Variants in SLC44A3 observed in about 807,000 individuals in gnomAD.
SLC44A3 encodes solute carrier family 44 member 3.
In SLC44A3, 74 loss-of-function variants were observed where a neutral mutation model predicts 75.4. The observed-to-expected ratio is 0.98, with a 90% CI of 0.81 to 1.19. The LOEUF is 1.19. SLC44A3 is among the 50% of genes most tolerant of loss of function. The pLI, the probability that SLC44A3 is intolerant of heterozygous loss-of-function variation, is 0.00. For synonymous variants in SLC44A3, 310 were observed against 296.9 expected (o/e 1.04, Z -0.45); for missense variants, 700 against 778.6 (o/e 0.90, Z 1.20).
chr1:94,836,211 ACTT>A (rs1035408773), intron 5 of SLC44A3, among the ~76,000 whole-genome samples: 2 of 152,164 alleles, frequency 1.3e-5, no homozygotes, highest in African/African-American at 4.8e-5. Context: ...ATAATTTGAC[ACTT>A]CTTTGGTTGG....
intron 6 of SLC44A3, among the ~76,000 whole-genome samples, chr1:94,838,293 G>A (rs1663092853): frequency 6.6e-6 from 1 of 152,216 alleles, no homozygotes; most frequent in Admixed American, 6.5e-5. Context: ...GGACATGTAT[G>A]CATCCATGTT....
intron 7 of SLC44A3, 111 bp from the exon 8 acceptor site, chr1:94,841,889 A>C: frequency 2.1e-6 from 3 of 1,398,474 alleles, no homozygotes; most frequent in Non-Finnish European, 2.9e-6. Context: ...CTGCCAGAGC[A>C]GTGCCACGCG....
chr1:94,852,275 A>G (rs1469518247), intron 9 of SLC44A3, among the ~76,000 whole-genome samples: 1 of 152,196 alleles, frequency 6.6e-6, no homozygotes, highest in Non-Finnish European at 1.5e-5. Flanking sequence ...TTAAGCAGAA[A>G]GGACAAATAG....
chr1:94,867,840 C>T (rs1277888057), intron 12 of SLC44A3, among the ~76,000 whole-genome samples: 2 of 105,624 alleles, frequency 1.9e-5, no homozygotes, highest in African/African-American at 3.4e-5. Context: ...AACCATAGGC[C>T]TTTAAAGCCA....
At chr1:94,864,625 A>G in intron 10 of SLC44A3, 118 bp from the exon 11 acceptor site, 1 of 1,089,786 alleles carries the variant, frequency 9.2e-7, no homozygotes, top group Admixed American at 2.6e-5. Context: ...AAAGTTCGCC[A>G]AATGCTTATT....
At position 94,845,474 on chromosome 1, in the gene SLC44A3, A is replaced by G. The variant is rs149625432; in HGVS notation, c.1072+10A>G. ...AGCCTGGGAACTGCAGGTAAGGGAC[A>G]GTGGGTGTGGGTTCCATCACCTTGG... On this transcript the variant is annotated intron_variant, in intron 9 of 14. Coordinates refer to ENST00000271227, the MANE Select transcript of SLC44A3 (RefSeq NM_001114106.3). 495 of 1,602,638 alleles carry G rather than the reference A, an allele frequency of 3.1e-4. No homozygotes were observed. Among genetic ancestry groups the G allele is most frequent in the Non-Finnish European group, 3.6e-4 (422 of 1,177,586 alleles).
chr1:94,830,078 G>C (rs1661918826), intron 5 of SLC44A3, among the ~76,000 whole-genome samples: 1 of 152,234 alleles, frequency 6.6e-6, no homozygotes, highest in South Asian at 2.1e-4. Flanking sequence ...AAAGAGACTT[G>C]AGAAGGTTTA....
chr1:94,867,415 C>A lies in SLC44A3; in HGVS notation c.1480C>A (p.Gln494Lys), dbSNP rs1485377545. The change falls in exon 12 of 15, where the codon CAG becomes AAG. Residue 494 changes from glutamine to lysine, a missense_variant and splice_region_variant. Gln to Lys is a moderately conservative substitution (Grantham distance 53). Transcript: ENST00000271227. The stretch of plus-strand genomic sequence containing the variant: ...TGACAAATACCTGCTCCATCTCAAC[C>A]AGGTACGTCTCTACCTCTTGCCTCA... ...CLDKYLLHLN[Q>K]NAYTTTAING... The A allele has an allele frequency of 5.0e-6, 8 of 1,604,984 alleles. No homozygotes were observed. The highest frequency in any genetic ancestry group is 6.8e-6 in the Non-Finnish European group (8 of 1,174,620).
Position 94,895,043 on chromosome 1 carries a change from A to C in SLC44A3, c.*121A>C. On this transcript the variant is annotated 3_prime_UTR_variant, in exon 15 of 15. Transcript: ENST00000271227. ...TTTTTTAAAAGACCTAATAAACCCT[A>C]TTCTTCCTCATTGTCTTTGTCATTA... 1.5e-6 allele frequency: 1 copy of C among 648,138 alleles called. No homozygotes were observed. Among genetic ancestry groups the C allele is most frequent in the Middle Eastern group, 3.2e-4 (1 of 3,130 alleles). The allele number at this position is 648,138 out of a possible 1,614,324, so 40.1% of individuals were successfully genotyped here.
chr1:94,872,712 T>G (rs903901418), intron 12 of SLC44A3, among the ~76,000 whole-genome samples: 1 of 152,238 alleles, frequency 6.6e-6, no homozygotes. Flanking sequence ...CTTATGTGGC[T>G]TTTTGACCCT....
intron 12 of SLC44A3, among the ~76,000 whole-genome samples, chr1:94,881,673 A>C (rs571664418): frequency 8.2e-5 from 12 of 146,840 alleles, no homozygotes; most frequent in Non-Finnish European, 1.6e-4. Flanking sequence ...CACTGCACTG[A>C]AGCCTGGGCA....
At chr1:94,890,147 G>A (rs1670051814) in intron 12 of SLC44A3, among the ~76,000 whole-genome samples, 1 of 152,162 alleles carries the variant, frequency 6.6e-6, no homozygotes, top group African/African-American at 2.4e-5. Context: ...ACGGCACCTG[G>A]CCTATTTCTA....
At chr1:94,874,642 G>T (rs1668088332) in intron 12 of SLC44A3, among the ~76,000 whole-genome samples, 1 of 152,226 alleles carries the variant, frequency 6.6e-6, no homozygotes, top group Non-Finnish European at 1.5e-5. Context: ...TTCCTCCTAA[G>T]TGTGCGGCTC....
intron 2 of SLC44A3, among the ~76,000 whole-genome samples, chr1:94,823,966 G>A (rs921537126): frequency 9.2e-5 from 14 of 152,084 alleles, no homozygotes; most frequent in Non-Finnish European, 8.8e-5. Flanking sequence ...CCTTTATTTT[G>A]TATGTCTTAA....
At position 94,824,631 on chromosome 1, in the gene SLC44A3, A is replaced by G. The variant is rs1372139452; in HGVS notation, c.274A>G (p.Lys92Glu). 1.9e-6 allele frequency: 3 copies of G among 1,578,920 alleles called. No individual in the cohort carries two copies. The highest frequency in any genetic ancestry group is 2.0e-5 in the Admixed American group (1 of 49,774). Residue 92 changes from lysine (K) to glutamate (E), a missense_variant, in exon 3 of 15, where the codon AAA becomes GAA. By Grantham distance (56) the Lys-to-Glu change is moderately conservative. Transcript: ENST00000271227. ...APLSGQDMTL[K>E]KHVFFMNSCN... ...TCTTTCAGGGCAGGACATGACCCTA[A>G]AAAAGTAAGTATCTAAATAAGTCCC...
intron 9 of SLC44A3, among the ~76,000 whole-genome samples, chr1:94,848,462 C>A (rs1664748086): frequency 1.3e-5 from 2 of 152,080 alleles, no homozygotes; most frequent in African/African-American, 4.8e-5. Context: ...ACAGTGAGGT[C>A]TTAGGAAATA....
At chr1:94,820,818 A>C (rs1442912847) in intron 1 of SLC44A3, 131 bp from the exon 2 acceptor site, 30 of 1,302,960 alleles carry the variant, frequency 2.3e-5, no homozygotes, top group Non-Finnish European at 2.9e-5. Flanking sequence ...CACGTAAAAA[A>C]ATAATATTAA....
rs1188066622 is a variant in SLC44A3 at position 94,837,747 on chromosome 1, A to C, written c.546A>C (p.Gln182His). The C allele has an allele frequency of 6.3e-7, 1 of 1,599,680 alleles. No homozygotes were observed. The highest frequency in any genetic ancestry group is 2.3e-5 in the East Asian group (1 of 44,020). ...SFPLFNRCVP[Q>H]TPECYSLFAS... is the part of the protein sequence containing the mutation. ...CCTTATTTAACCGATGTGTCCCTCAAACACCTGAGTGCTACTCCCTATTTG... is the reference window on the plus strand; with the variant it reads ...CCTTATTTAACCGATGTGTCCCTCACACACCTGAGTGCTACTCCCTATTTG... The change falls in exon 6 of 15, where the codon CAA (glutamine) becomes CAC (histidine). Residue 182 changes from glutamine (Q) to histidine (H), a missense_variant. Physicochemically the swap from Gln to His is conservative, Grantham distance 24 (BLOSUM62 0). Coordinates refer to ENST00000271227, the MANE Select transcript of SLC44A3 (RefSeq NM_001114106.3).
intron 6 of SLC44A3, chr1:94,839,133 A>G (rs1416692557): frequency 6.6e-6 from 1 of 152,214 alleles, no homozygotes; most frequent in Non-Finnish European, 1.5e-5. Context: ...TCTAGATGCA[A>G]TCCTGATTTC....
Sources: gnomAD v4.1 joint callset for allele counts (sites outside exome capture counted in the v4.1 genomes callset) on GRCh38, gnomAD v4.1.1 for gene constraint, MANE v1.5 for transcripts, NCBI Gene and HGNC (gene_info 2026-07-23, HGNC 2026-07-21) for gene names.